ZNF362: variants seen among roughly 807,000 people sequenced by gnomAD.
The protein encoded by ZNF362 is zinc finger protein 362.
A neutral mutation model predicts 42.9 loss-of-function variants in ZNF362; 11 were observed. That is an observed-to-expected ratio of 0.26 (90% CI 0.16 to 0.42). The LOEUF (loss-of-function observed/expected upper bound fraction) is 0.42, where lower values mean the gene tolerates loss of function less well. Among genes scored for constraint, ZNF362 ranks in the 20% least tolerant of loss-of-function variants. The pLI is 1.00. For synonymous variants in ZNF362, 255 were observed against 257.3 expected (o/e 0.99, Z 0.09); for missense variants, 362 against 576.2 (o/e 0.63, Z 3.81).
chr1:33,156,217 G>A, the ZNF362 span, among the ~76,000 whole-genome samples: 4 of 152,114 alleles, frequency 2.6e-5, no homozygotes, highest in Non-Finnish European at 4.4e-5. Flanking sequence ...TCATCTCACA[G>A]ATATGCTGTA....
chr1:33,293,180 G>A (rs1446866571), intron 6 of ZNF362, among the ~76,000 whole-genome samples: 4 of 152,322 alleles, frequency 2.6e-5, no homozygotes, highest in African/African-American at 7.2e-5. Context: ...AGCCCCACTC[G>A]CCAACGAATC....
the ZNF362 span, among the ~76,000 whole-genome samples, chr1:33,184,762 A>G: frequency 2.0e-5 from 3 of 152,016 alleles, no homozygotes; most frequent in African/African-American, 7.2e-5. Flanking sequence ...AGCTTTCTCC[A>G]TACTATTTTG....
chr1:33,243,155 T>TATGTTATGTTATGTC, the ZNF362 span, among the ~76,000 whole-genome samples: 1,691 of 151,618 alleles, frequency 0.011, 21 homozygotes, highest in African/African-American at 0.038. Context: ...TATGTTATGT[T>TATGTTATGTTATGTC]ATGTTGTTAT....
the ZNF362 span, among the ~76,000 whole-genome samples, chr1:33,224,472 A>G: frequency 5.6e-3 from 860 of 152,348 alleles, 11 homozygotes; most frequent in African/African-American, 0.02. Context: ...CATAATTTAA[A>G]TGTATCCACT....
the ZNF362 span, among the ~76,000 whole-genome samples, chr1:33,197,417 G>A: frequency 6.6e-6 from 1 of 152,076 alleles, no homozygotes; most frequent in African/African-American, 2.4e-5. Context: ...AATACAGATG[G>A]CTATGGCATC....
At chr1:33,275,217 A>C (rs6425814) in intron 2 of ZNF362, 948,134 of 985,328 alleles carry the variant, frequency 0.96, 456,452 homozygotes, top group East Asian at 1. Flanking sequence ...ACTCTAGGGT[A>C]GCAGGAAGAC....
At chr1:33,268,538 G>A (rs1453323751) in intron 1 of ZNF362, among the ~76,000 whole-genome samples, 1 of 152,202 alleles carries the variant, frequency 6.6e-6, no homozygotes, top group Admixed American at 6.5e-5. Context: ...GAGCAGAGAG[G>A]AGAGCACACA....
chr1:33,188,062 C>T, the ZNF362 span, among the ~76,000 whole-genome samples: 19 of 152,126 alleles, frequency 1.2e-4, no homozygotes, highest in African/African-American at 4.1e-4. Context: ...GGTGAAACCC[C>T]GTCTCTACTA....
chr1:33,176,677 C>A, the ZNF362 span: 1 of 410,972 alleles, frequency 2.4e-6, no homozygotes, highest in East Asian at 3.5e-5. Flanking sequence ...GGCTGGGAGA[C>A]AATTACCCAG....
At chr1:33,130,431 A>G in the ZNF362 span, among the ~76,000 whole-genome samples, 1 of 152,232 alleles carries the variant, frequency 6.6e-6, no homozygotes, top group African/African-American at 2.4e-5. Flanking sequence ...CTCTTAGGGA[A>G]CACAGCAGCC....
chr1:33,290,111 A>G (rs1435784388), intron 6 of ZNF362, among the ~76,000 whole-genome samples: 1 of 151,898 alleles, frequency 6.6e-6, no homozygotes, highest in Admixed American at 6.6e-5. Flanking sequence ...TTTTTTATTT[A>G]TACTTAAAGT....
rs1646111903 is a variant in ZNF362 at position 33,295,237 on chromosome 1, C to G, written c.1078C>G (p.Leu360Val). 9 of 1,614,250 alleles carry G rather than the reference C, an allele frequency of 5.6e-6. No individual in the cohort carries two copies. The East Asian group carries it at 2.0e-4, about 36-fold the overall frequency. Residue 360 changes from leucine (L) to valine (V), a missense_variant, in exon 8 of 9, where the codon CTC becomes GTC. Transcript: ENST00000539719. Reference protein sequence around the residue: ...YSDSASLQIHLSAHAIKHAKA... With the variant: ...YSDSASLQIHVSAHAIKHAKA... ...GGACTCCGCTTCTTTGCAGATCCAC[C>G]TCTCGGCCCACGCCATCAAGCACGC...
the ZNF362 span, among the ~76,000 whole-genome samples, chr1:33,135,709 A>G: frequency 6.6e-6 from 1 of 152,182 alleles, no homozygotes; most frequent in Non-Finnish European, 1.5e-5. Context: ...AACCTCCTCC[A>G]GGAGGAACCT....
At chr1:33,274,888 A>G in intron 2 of ZNF362, 15 of 929,246 alleles carry the variant, frequency 1.6e-5, no homozygotes, top group Non-Finnish European at 1.9e-5. Flanking sequence ...CCTACTTTCA[A>G]GTAAAGATCA....
chr1:33,213,921 G>A, the ZNF362 span, among the ~76,000 whole-genome samples: 2 of 151,916 alleles, frequency 1.3e-5, no homozygotes, highest in Non-Finnish European at 1.5e-5. Flanking sequence ...AAGATTGAAC[G>A]AAAACACCTG....
At chr1:33,274,261 A>C (rs970323295) in intron 2 of ZNF362, among the ~76,000 whole-genome samples, 1 of 152,210 alleles carries the variant, frequency 6.6e-6, no homozygotes, top group Non-Finnish European at 1.5e-5. Flanking sequence ...CTCTCTGCTT[A>C]CTTGCTGTGT....
At chr1:33,297,219 C>T (rs1202371818) in intron 8 of ZNF362, among the ~76,000 whole-genome samples, 1 of 152,174 alleles carries the variant, frequency 6.6e-6, no homozygotes, top group Non-Finnish European at 1.5e-5. Context: ...TCCAGTCAGT[C>T]CCTGCCTCTC....
the ZNF362 span, among the ~76,000 whole-genome samples, chr1:33,188,231 AAAAC>A: frequency 1.4e-4 from 21 of 151,890 alleles, no homozygotes; most frequent in African/African-American, 3.4e-4. Flanking sequence ...ACTTCATCTC[AAAAC>A]AAACAAACAA....
chr1:33,237,600 C>A, the ZNF362 span, among the ~76,000 whole-genome samples: 1 of 152,212 alleles, frequency 6.6e-6, no homozygotes, highest in Non-Finnish European at 1.5e-5. Context: ...GGACCAGACG[C>A]TGTCCTAAGT....
Sources: allele counts gnomAD v4.1 joint callset (sites outside exome capture counted in the v4.1 genomes callset), GRCh38; gene constraint gnomAD v4.1.1; transcripts MANE v1.5; gene names NCBI Gene and HGNC (gene_info 2026-07-23, HGNC 2026-07-21).